The following SCAND3 variants were observed in gnomAD, a reference collection of about 807,000 sequenced individuals.
SCAND3 encodes the protein SCAN domain containing 3, also known as SCAN domain-containing protein 3.
At chr6:28,586,706 G>A in the SCAND3 span, 2 of 1,613,210 alleles carry the variant, frequency 1.2e-6, no homozygotes, top group Non-Finnish European at 1.7e-6. This position sits in a 1 kb window ranked among gnomAD's most constrained non-coding sequence, Gnocchi z 4.4. Context: ...AGACCCTAGA[G>A]ACTGCTTCCA....
chr6:28,586,716 A>T, the SCAND3 span: 3 of 1,612,366 alleles, frequency 1.9e-6, no homozygotes, highest in East Asian at 6.7e-5. The surrounding 1 kb of genome is among the most constrained non-coding windows in gnomAD (Gnocchi z 4.4). Context: ...GACTGCTTCC[A>T]TCCCGAGCTT....
At chr6:28,584,385 A>G in the SCAND3 span, among the ~76,000 whole-genome samples, 1 of 152,162 alleles carries the variant, frequency 6.6e-6, no homozygotes, top group African/African-American at 2.4e-5. Context: ...TTAATCTACA[A>G]AAAAATCACC....
chr6:28,598,611 G>C, the SCAND3 span, among the ~76,000 whole-genome samples: 2 of 151,804 alleles, frequency 1.3e-5, no homozygotes, highest in Admixed American at 6.6e-5. Flanking sequence ...TTTCCGGTCC[G>C]AGGTGGGTGT....
At chr6:28,573,240 A>T in the SCAND3 span, 1 of 1,614,120 alleles carries the variant, frequency 6.2e-7, no homozygotes, top group Non-Finnish European at 8.5e-7. Flanking sequence ...CTTCCATATC[A>T]TTAGCCAGTT....
chr6:28,603,631 CTT>C, the SCAND3 span, among the ~76,000 whole-genome samples: 1 of 94,254 alleles, frequency 1.1e-5, no homozygotes, highest in African/African-American at 9.8e-5. Context: ...TATTACCTCA[CTT>C]ACATTTTTTT....
chr6:28,600,293 G>A, the SCAND3 span, among the ~76,000 whole-genome samples: 1 of 152,188 alleles, frequency 6.6e-6, no homozygotes, highest in East Asian at 1.9e-4. Flanking sequence ...TGGCGGCTAA[G>A]CTTATTTATA....
the SCAND3 span, chr6:28,591,077 GTGTTAC>G: frequency 2.0e-5 from 3 of 152,214 alleles, no homozygotes; most frequent in Non-Finnish European, 4.4e-5. Context: ...TAGCCTGCCT[GTGTTAC>G]TGTAAGTAAT....
chr6:28,573,368 C>T, the SCAND3 span: 1 of 1,614,106 alleles, frequency 6.2e-7, no homozygotes, highest in Non-Finnish European at 8.5e-7. Flanking sequence ...ACTAGTGTCT[C>T]AGCAATTGTG....
At chr6:28,612,046 T>G in the SCAND3 span, among the ~76,000 whole-genome samples, 1 of 151,844 alleles carries the variant, frequency 6.6e-6, no homozygotes, top group East Asian at 1.9e-4. Context: ...TTTTGTTGTT[T>G]TTTTTTTTGA....
At chr6:28,598,279 C>A in the SCAND3 span, among the ~76,000 whole-genome samples, 1 of 152,146 alleles carries the variant, frequency 6.6e-6, no homozygotes, top group African/African-American at 2.4e-5. Context: ...ACCAAGGAAC[C>A]CATCTACTCA....
chr6:28,573,590 C>T, the SCAND3 span: 1 of 1,613,066 alleles, frequency 6.2e-7, no homozygotes, highest in South Asian at 1.1e-5. Flanking sequence ...GCTTCATTAG[C>T]CAGTACATCT....
At chr6:28,574,775 A>T in the SCAND3 span, 1 of 1,614,148 alleles carries the variant, frequency 6.2e-7, no homozygotes, top group Non-Finnish European at 8.5e-7. Flanking sequence ...CAAAGGCTAC[A>T]AGTTATTTGC....
At chr6:28,608,022 T>C in the SCAND3 span, among the ~76,000 whole-genome samples, 8 of 152,194 alleles carry the variant, frequency 5.3e-5, no homozygotes, top group African/African-American at 1.9e-4. Flanking sequence ...ATTGCCATCA[T>C]GTTCCCATGC....
At chr6:28,598,660 C>A in the SCAND3 span, among the ~76,000 whole-genome samples, 1 of 150,576 alleles carries the variant, frequency 6.6e-6, no homozygotes, top group Non-Finnish European at 1.5e-5. Flanking sequence ...GCCTGGCCAA[C>A]ATTGTGAAAC....
chr6:28,575,855 T>A, the SCAND3 span: 2 of 1,613,968 alleles, frequency 1.2e-6, no homozygotes, highest in Non-Finnish European at 1.7e-6. The surrounding 1 kb of genome is among the most constrained non-coding windows in gnomAD (Gnocchi z 4.2). Context: ...AGCTTCTCAT[T>A]TCCTTGTACA....
At chr6:28,576,149 G>GA in the SCAND3 span, 1 of 1,545,724 alleles carries the variant, frequency 6.5e-7, no homozygotes, top group Non-Finnish European at 8.7e-7. Context: ...AAAAACAAAG[G>GA]AAAAAAATCA....
the SCAND3 span, chr6:28,594,094 G>A: frequency 6.6e-6 from 1 of 152,172 alleles, no homozygotes; most frequent in African/African-American, 2.4e-5. Flanking sequence ...ATGGTAACAA[G>A]CGTTGACAAG....
the SCAND3 span, chr6:28,575,189 G>C: frequency 6.2e-7 from 1 of 1,614,030 alleles, no homozygotes; most frequent in South Asian, 1.1e-5. This position sits in a 1 kb window ranked among gnomAD's most constrained non-coding sequence, Gnocchi z 4.2. Flanking sequence ...GGCTGATTTT[G>C]GGACATCTGA....
chr6:28,578,474 G>T, the SCAND3 span, among the ~76,000 whole-genome samples: 1 of 152,030 alleles, frequency 6.6e-6, no homozygotes, highest in Non-Finnish European at 1.5e-5. Context: ...ATAGAAAATT[G>T]TTAACTTTAT....
Sources: gnomAD v4.1 joint callset for allele counts (sites outside exome capture counted in the v4.1 genomes callset) on GRCh38, gnomAD v4.1.1 for gene constraint, Gnocchi (gnomAD v3.1) non-coding constraint, MANE v1.5 for transcripts, NCBI Gene and HGNC (gene_info 2026-07-23, HGNC 2026-07-21) for gene names.